STAG1: variants seen among roughly 807,000 people sequenced by gnomAD.
STAG1 encodes the protein cohesin subunit SA-1.
STAG1 carries 26 observed loss-of-function variants against 170.9 expected under a neutral mutation model. The observed-to-expected ratio is 0.15, with a 90% CI of 0.11 to 0.21. The LOEUF (loss-of-function observed/expected upper bound fraction) is 0.21. Among genes scored for constraint, STAG1 ranks in the 10% least tolerant of loss-of-function variants. The pLI is 1.00. For synonymous variants in STAG1, 514 were observed against 497.7 expected, an observed-to-expected ratio of 1.03 and a Z score of -0.44; for missense variants, 964 against 1,509.5, an observed-to-expected ratio of 0.64 and a Z score of 5.99.
At chr3:136,578,278 TA>T (rs1445998322) in intron 4 of STAG1, among the ~76,000 whole-genome samples, 1 of 152,132 alleles carries the variant, frequency 6.6e-6, no homozygotes, top group Non-Finnish European at 1.5e-5. Context: ...AAATTGTCTA[TA>T]AAGGGCAGTA....
At chr3:136,665,872 G>A (rs973829258) in intron 1 of STAG1, among the ~76,000 whole-genome samples, 2 of 150,638 alleles carry the variant, frequency 1.3e-5, no homozygotes, top group Non-Finnish European at 3.0e-5. Flanking sequence ...TCAGGAGATC[G>A]AGACCATCCT....
chr3:136,592,928 CTTTG>C (rs1254865581), intron 4 of STAG1, among the ~76,000 whole-genome samples: 1 of 152,192 alleles, frequency 6.6e-6, no homozygotes, highest in Non-Finnish European at 1.5e-5. Context: ...TAGTGCACAA[CTTTG>C]TCTGAGTTCA....
intron 3 of STAG1, among the ~76,000 whole-genome samples, chr3:136,608,620 G>A (rs1939083270): frequency 6.7e-6 from 1 of 149,394 alleles, no homozygotes; most frequent in African/African-American, 2.5e-5. Flanking sequence ...TTCCAGACCA[G>A]CCTGAGCAAC....
At chr3:136,695,708 T>A (rs1314728195) in intron 1 of STAG1, among the ~76,000 whole-genome samples, 1 of 149,734 alleles carries the variant, frequency 6.7e-6, no homozygotes, top group Non-Finnish European at 1.5e-5. Context: ...AAATCCCTCA[T>A]AAACAAGAGG....
At chr3:136,539,683 C>T (rs1935799542) in intron 6 of STAG1, among the ~76,000 whole-genome samples, 1 of 152,192 alleles carries the variant, frequency 6.6e-6, no homozygotes, top group Non-Finnish European at 1.5e-5. Flanking sequence ...ATTGACTGAA[C>T]AGCCCATAGA....
At chr3:136,535,993 G>A (rs1042691706) in intron 6 of STAG1, among the ~76,000 whole-genome samples, 2 of 151,970 alleles carry the variant, frequency 1.3e-5, no homozygotes, top group South Asian at 2.1e-4. Flanking sequence ...AATTTTGTAC[G>A]AGTTTTAAAA....
intron 7 of STAG1, among the ~76,000 whole-genome samples, chr3:136,509,390 GAAAA>G (rs531486231): frequency 8.5e-6 from 1 of 116,966 alleles, no homozygotes; most frequent in Non-Finnish European, 1.8e-5. Context: ...GGACCACTTG[GAAAA>G]AAAAAAAAAA....
chr3:136,739,439 A>T (rs1437150990), intron 1 of STAG1, among the ~76,000 whole-genome samples: 1 of 141,222 alleles, frequency 7.1e-6, no homozygotes, highest in Non-Finnish European at 1.5e-5. Context: ...ATGAGGTGAG[A>T]GGTTGAGGCT....
intron 11 of STAG1, among the ~76,000 whole-genome samples, chr3:136,472,809 A>G (rs987372826): frequency 2.0e-5 from 3 of 152,184 alleles, no homozygotes; most frequent in African/African-American, 7.2e-5. Context: ...AAAGGTAATA[A>G]ATAAGAACTC....
intron 1 of STAG1, among the ~76,000 whole-genome samples, chr3:136,651,100 C>T (rs1941202634): frequency 1.3e-5 from 2 of 152,102 alleles, no homozygotes; most frequent in South Asian, 2.1e-4. Flanking sequence ...CACTGTGGCT[C>T]ACACCTGTAA....
chr3:136,658,357 C>G (rs1163033952), intron 1 of STAG1, among the ~76,000 whole-genome samples: 1 of 151,696 alleles, frequency 6.6e-6, no homozygotes, highest in African/African-American at 2.4e-5. Context: ...AAAAGTTTTT[C>G]TGTAATATTC....
At chr3:136,643,697 T>C (rs556678664) in intron 1 of STAG1, among the ~76,000 whole-genome samples, 4 of 152,192 alleles carry the variant, frequency 2.6e-5, no homozygotes, top group African/African-American at 9.6e-5. Context: ...TTTGTAGAGA[T>C]AGGGTTTTGC....
intron 1 of STAG1, among the ~76,000 whole-genome samples, chr3:136,648,193 T>A (rs1941096555): frequency 6.6e-6 from 1 of 152,154 alleles, no homozygotes; most frequent in South Asian, 2.1e-4. Context: ...AACCCATAGA[T>A]CTCCACATTA....
intron 9 of STAG1, among the ~76,000 whole-genome samples, chr3:136,495,303 T>C (rs867168084): frequency 1.3e-5 from 2 of 152,160 alleles, no homozygotes; most frequent in African/African-American, 4.8e-5. Flanking sequence ...AAAATTCAAT[T>C]TTAAAGGTTC....
rs75235535 is a variant in STAG1 at position 136,694,906 on chromosome 3, C to T, written c.-84+57289G>A. Among the ~76,000 whole-genome samples, 297 of 152,226 alleles carry T rather than the reference C, an allele frequency of 2.0e-3. 8 individuals carry two copies. In the East Asian group the frequency reaches 0.048, roughly 24 times the overall value. ...AAAGTTTTGAAAAGTGAGGAAATATCACAATAGAACAGAAGCTTGAAAAGG... is the reference window on the plus strand; with the variant it reads ...AAAGTTTTGAAAAGTGAGGAAATATTACAATAGAACAGAAGCTTGAAAAGG... On this transcript the variant is annotated intron_variant, in intron 1 of 33. Coordinates refer to ENST00000383202, the MANE Select transcript of STAG1 (RefSeq NM_005862.3).
At chr3:136,655,352 C>A (rs1941339290) in intron 1 of STAG1, among the ~76,000 whole-genome samples, 1 of 152,300 alleles carries the variant, frequency 6.6e-6, no homozygotes, top group Admixed American at 6.5e-5. Flanking sequence ...AAAGAAAATA[C>A]ACGAATGGCC....
At chr3:136,700,568 C>T (rs560860260) in intron 1 of STAG1, among the ~76,000 whole-genome samples, 2 of 151,262 alleles carry the variant, frequency 1.3e-5, no homozygotes, top group South Asian at 2.1e-4. Flanking sequence ...TACAGGTGCC[C>T]GCTACCACGC....
At chr3:136,573,198 A>T (rs909157718) in intron 4 of STAG1, among the ~76,000 whole-genome samples, 1 of 151,958 alleles carries the variant, frequency 6.6e-6, no homozygotes, top group African/African-American at 2.4e-5. Context: ...AAGGATTAAA[A>T]AAAAAAAAAA....
At chr3:136,560,822 TG>T (rs1936808910) in intron 5 of STAG1, among the ~76,000 whole-genome samples, 1 of 152,220 alleles carries the variant, frequency 6.6e-6, no homozygotes, top group Admixed American at 6.5e-5. Context: ...ATAGGGATAC[TG>T]GAGCCAATGA....
Sources: gnomAD v4.1 joint callset for allele counts (sites outside exome capture counted in the v4.1 genomes callset) on GRCh38, gnomAD v4.1.1 for gene constraint, MANE v1.5 for transcripts, NCBI Gene and HGNC (gene_info 2026-07-23, HGNC 2026-07-21) for gene names.